The following UBQLN4 variants were observed in gnomAD, a reference collection of about 807,000 sequenced individuals.
UBQLN4 encodes ubiquilin-4.
In UBQLN4, 11 loss-of-function variants were observed where a neutral mutation model predicts 60.4. That is an observed-to-expected ratio of 0.18 (90% CI 0.11 to 0.30). The LOEUF is 0.30. Ranked by LOEUF, UBQLN4 falls within the 10% of genes least tolerant of loss-of-function variation. The pLI is 1.00. For missense variants in UBQLN4, 417 were observed against 795.5 expected, an observed-to-expected ratio of 0.52 and a Z score of 5.72; for synonymous variants, 258 against 313.1, an observed-to-expected ratio of 0.82 and a Z score of 1.86.
chr1:156,053,136 G>C (rs903549065), intron 1 of UBQLN4, among the ~76,000 whole-genome samples: 1 of 152,192 alleles, frequency 6.6e-6, no homozygotes, highest in African/African-American at 2.4e-5. Flanking sequence ...CGATTTGAAA[G>C]AGTGGGAAGG....
In UBQLN4 at chr1:156,053,562, G is replaced by C. The variant is rs1461024047; in HGVS notation, c.108+32C>G. 5 of 1,161,758 alleles carry C rather than the reference G, an allele frequency of 4.3e-6. No homozygotes were observed. The African/African-American group carries it at 9.0e-5, about 21-fold the overall frequency. The allele number at this position is 1,161,758 out of a possible 1,614,324, so 72.0% of individuals were successfully genotyped here. On this transcript the variant is annotated intron_variant, in intron 1 of 10. Coordinates refer to ENST00000368309, the MANE Select transcript of UBQLN4 (RefSeq NM_020131.5). ...CCATCTCTTCGCAGACCCCTCCTCCGCGCTCCCCCCGCCCCCCGCCTGCTG... is the reference window on the plus strand; with the variant it reads ...CCATCTCTTCGCAGACCCCTCCTCCCCGCTCCCCCCGCCCCCCGCCTGCTG...
intron 5 of UBQLN4, among the ~76,000 whole-genome samples, chr1:156,044,661 A>T (rs1292508331): frequency 1.3e-5 from 2 of 152,034 alleles, no homozygotes; most frequent in African/African-American, 4.8e-5. Context: ...CTACTGGCTT[A>T]ATGGGAGTGG....
intron 10 of UBQLN4, among the ~76,000 whole-genome samples, 160 bp from the exon 11 acceptor site, chr1:156,037,290 C>T (rs1056599642): frequency 6.6e-6 from 1 of 152,152 alleles, no homozygotes; most frequent in Non-Finnish European, 1.5e-5. Flanking sequence ...AGCCTAGGTC[C>T]CAAGTCCTAA....
chr1:156,053,272 T>C (rs1393664381), intron 1 of UBQLN4, among the ~76,000 whole-genome samples: 2 of 151,320 alleles, frequency 1.3e-5, no homozygotes, highest in Non-Finnish European at 2.9e-5. Flanking sequence ...AGTTAGCACC[T>C]AGCCCGGGCC....
rs1237951153 is a variant in UBQLN4 at position 156,050,839 on chromosome 1, C to T, written c.478+271G>A. The stretch of plus-strand genomic sequence containing the variant: ...TGGATCCAACTTTTCCCCAGACTCA[C>T]AGGGTCTTCCATTCCCTTTACCTAG... On this transcript the variant is annotated intron_variant, in intron 3 of 10. Coordinates refer to ENST00000368309, the MANE Select transcript of UBQLN4 (RefSeq NM_020131.5). This position sits in a 1 kb window ranked among gnomAD's most constrained non-coding sequence, Gnocchi z 4.6. Among the ~76,000 whole-genome samples the T allele has an allele frequency of 6.6e-6, 1 of 152,212 alleles. No individual in the cohort carries two copies. Among genetic ancestry groups the T allele is most frequent in the African/African-American group, 2.4e-5 (1 of 41,454 alleles).
intron 5 of UBQLN4, among the ~76,000 whole-genome samples, chr1:156,047,013 A>G (rs1420663622): frequency 6.6e-6 from 1 of 152,124 alleles, no homozygotes; most frequent in Non-Finnish European, 1.5e-5. Flanking sequence ...AAAGAATAGG[A>G]GAGGGGAGGG....
At chr1:156,031,974 A>ATCAAATATGAACAAGCAGGATTGT (rs147767244), downstream of UBQLN4, among the ~76,000 whole-genome samples, 48,045 of 148,466 alleles carry the variant, frequency 0.32, 9,264 homozygotes, top group East Asian at 0.8. Flanking sequence ...AAACGTATCC[A>ATCAAATATGAACAAGCAGGATTGT]TCAAATATGA....
downstream of UBQLN4, chr1:156,033,128 A>G (rs977960480): frequency 3.6e-6 from 3 of 840,906 alleles, no homozygotes; most frequent in South Asian, 5.4e-5. Flanking sequence ...GCCAATACTT[A>G]TGTAGCTGCT....
chr1:156,042,527 G>T, intron 7 of UBQLN4: 1 of 1,148,866 alleles, frequency 8.7e-7, no homozygotes, highest in Non-Finnish European at 1.2e-6. Context: ...CATGTTCTAA[G>T]CACTTAACGT....
In UBQLN4 at chr1:156,048,688, C is replaced by T. The variant is rs1683780805; in HGVS notation, c.742-29G>A. 2.5e-6 allele frequency: 4 copies of T among 1,602,504 alleles called. No homozygotes were observed. Among genetic ancestry groups the T allele is most frequent in the Non-Finnish European group, 3.4e-6 (4 of 1,170,568 alleles). On this transcript the variant is annotated intron_variant, in intron 4 of 10. Transcript: ENST00000368309. The surrounding 1 kb of genome is among the most constrained non-coding windows in gnomAD (Gnocchi z 4.9). ...ATCAAGGGAGAGAGACAAAATGGGC[C>T]CCGGAACCAGGGGAGCACCAACCTA...
intron 10 of UBQLN4, 111 bp from the exon 11 acceptor site, chr1:156,037,241 A>G: frequency 7.3e-7 from 1 of 1,370,294 alleles, no homozygotes; most frequent in Non-Finnish European, 9.9e-7. Flanking sequence ...AGAGTCAATC[A>G]GGAGGGCAGG....
chr1:156,043,963 T>A lies in UBQLN4; in HGVS notation c.1126+35A>T, dbSNP rs772117671. The A allele has an allele frequency of 1.9e-6, 3 of 1,605,928 alleles. No individual in the cohort carries two copies. In the African/African-American group the frequency reaches 4.0e-5, roughly 21 times the overall value. ...TCCTGGGACAGAGGGGCTGCCCTGG[T>A]GACCCCACTAAGCTCCTTCCATCCT... On this transcript the variant is annotated intron_variant, in intron 6 of 10. Coordinates refer to ENST00000368309, the MANE Select transcript of UBQLN4 (RefSeq NM_020131.5).
chr1:156,051,443 A>T, intron 2 of UBQLN4, 116 bp from the exon 3 acceptor site: 1 of 1,333,460 alleles, frequency 7.5e-7, no homozygotes, highest in Non-Finnish European at 1.1e-6. Flanking sequence ...CCTCCTGAGC[A>T]GTCCTGAGGC....
chr1:156,053,494 C>A, intron 1 of UBQLN4, 100 bp downstream of exon 1: 1 of 950,970 alleles, frequency 1.1e-6, no homozygotes, highest in Non-Finnish European at 1.4e-6. Context: ...CCCCGCCCTC[C>A]TCTCCGGGGC....
intron 6 of UBQLN4, 109 bp from the exon 7 acceptor site, chr1:156,043,022 G>A (rs1683609098): frequency 7.0e-7 from 1 of 1,418,746 alleles, no homozygotes; most frequent in African/African-American, 1.4e-5. Context: ...ACAAAACTCA[G>A]AAAAGCAATG....
intron 10 of UBQLN4, among the ~76,000 whole-genome samples, chr1:156,039,652 T>C (rs1461747843): frequency 2.6e-5 from 4 of 152,006 alleles, no homozygotes. Flanking sequence ...AAGACTCTTA[T>C]AGTGGCCGGG....
chr1:156,051,581 T>C, intron 2 of UBQLN4, 125 bp downstream of exon 2: 1 of 1,398,124 alleles, frequency 7.2e-7, no homozygotes, highest in Non-Finnish European at 9.8e-7. Flanking sequence ...TGAGATCATA[T>C]TCATCCAGGA....
chr1:156,041,359 G>A (rs1683558415), intron 10 of UBQLN4, 126 bp downstream of exon 10: 3 of 1,049,610 alleles, frequency 2.9e-6, no homozygotes, highest in Admixed American at 6.8e-5. Context: ...CCTGCCCAAG[G>A]CTAGCAAGTG....
intron 5 of UBQLN4, among the ~76,000 whole-genome samples, chr1:156,046,406 G>A (rs1683702139): frequency 6.6e-6 from 1 of 151,680 alleles, no homozygotes; most frequent in African/African-American, 2.4e-5. Flanking sequence ...GCTGAGGCAG[G>A]AGAATCACTT....
Sources: gnomAD v4.1 joint callset for allele counts (sites outside exome capture counted in the v4.1 genomes callset) on GRCh38, gnomAD v4.1.1 for gene constraint, Gnocchi (gnomAD v3.1) non-coding constraint, MANE v1.5 for transcripts, NCBI Gene and HGNC (gene_info 2026-07-23, HGNC 2026-07-21) for gene names.